ARHGAP29: variants seen among roughly 807,000 people sequenced by gnomAD.
The protein encoded by ARHGAP29 is rho GTPase-activating protein 29.
A neutral mutation model predicts 122.6 loss-of-function variants in ARHGAP29; 43 were observed. The observed-to-expected ratio is 0.35, with a 90% confidence interval of 0.27 to 0.45. The LOEUF (loss-of-function observed/expected upper bound fraction) is 0.45. Ranked by LOEUF, ARHGAP29 falls within the 20% of genes least tolerant of loss-of-function variation. ARHGAP29 has a pLI of 1.00. For missense variants in ARHGAP29, 1,303 were observed against 1,477.2 expected (o/e 0.88, Z 1.93); for synonymous variants, 506 against 497.1 (o/e 1.02, Z -0.24).
At chr1:94,215,583 T>C (rs1651911790) in intron 3 of ARHGAP29, among the ~76,000 whole-genome samples, 1 of 152,264 alleles carries the variant, frequency 6.6e-6, no homozygotes, top group East Asian at 1.9e-4. Context: ...ATGAATTACC[T>C]GATAAATTTA....
At chr1:94,191,816 G>A (rs1198797956) in intron 12 of ARHGAP29, 1 of 152,130 alleles carries the variant, frequency 6.6e-6, no homozygotes, top group African/African-American at 2.4e-5. Flanking sequence ...AATATGACTG[G>A]TCCAAGGACC....
rs370625624 is a variant in ARHGAP29 at position 94,177,680 on chromosome 1, C to T, written c.2837G>A (p.Arg946Gln). Reference sequence around the variant, plus strand: ...TTCTGATTCCTCAAATGATGTAGCTCGTTCAAAAATTTTGCTTTCACTCTC... The same window carrying T: ...TTCTGATTCCTCAAATGATGTAGCTTGTTCAAAAATTTTGCTTTCACTCTC... ...TSESESKIFE[R>Q]ATSFEESERK... The change falls in exon 22 of 23, where the codon CGA becomes CAA. Residue 946 changes from arginine to glutamine, a missense_variant. This residue lies in a region of ARHGAP29 where 620 missense variants were observed against 651.2 expected (regional missense o/e 0.95). Transcript: ENST00000260526. The T allele has an allele frequency of 2.6e-5, 42 of 1,612,876 alleles. No individual in the cohort carries two copies. In the South Asian group the frequency reaches 3.1e-4, roughly 12 times the overall value.
At chr1:94,179,592 CAAAAAAAAAAAAAA>C (rs67114194) in intron 20 of ARHGAP29, 119 bp downstream of exon 20, 22 of 220,918 alleles carry the variant, frequency 1.0e-4, no homozygotes, top group Middle Eastern at 1.6e-3. Context: ...GACTCTGTCT[CAAAAAAAAAAAAAA>C]AAAAAAAAAA....
chr1:94,265,456 G>A (rs1238432241), intron 1 of ARHGAP29, among the ~76,000 whole-genome samples: 1 of 152,246 alleles, frequency 6.6e-6, no homozygotes, highest in Non-Finnish European at 1.5e-5. Flanking sequence ...TAATATGTGA[G>A]TATGGGCAGT....
the ARHGAP29 span, among the ~76,000 whole-genome samples, chr1:94,308,456 C>T: frequency 6.6e-6 from 1 of 152,154 alleles, no homozygotes; most frequent in Non-Finnish European, 1.5e-5. Context: ...AGATTCCATT[C>T]CTTAATTCTA....
chr1:94,203,807 C>A, intron 8 of ARHGAP29, 123 bp downstream of exon 8: 1 of 745,966 alleles, frequency 1.3e-6, no homozygotes, highest in South Asian at 1.9e-5. Context: ...ATAATTTTGT[C>A]AATAAAAAGA....
In ARHGAP29 at chr1:94,174,612, T is replaced by A. The variant is rs748416865; in HGVS notation, c.3043A>T (p.Ile1015Phe). ...NVERHTPRTK[I>F]RPVSLPVDRL... ...TCTACAGGCAAACTTACAGGTCTAA[T>A]CTTGGTCCTTGGAGTATGCCTCTCC... The change falls in exon 23 of 23, where the codon ATT becomes TTT. Residue 1015 changes from isoleucine (I) to phenylalanine (F), a missense_variant. Physicochemically the swap from Ile to Phe is conservative, Grantham distance 21. Transcript: ENST00000260526. 2 of 1,614,048 alleles carry A rather than the reference T, an allele frequency of 1.2e-6. No individual in the cohort carries two copies. The highest frequency in any genetic ancestry group is 1.7e-5 in the Admixed American group (1 of 60,012).
Position 94,190,097 on chromosome 1 carries a change from G to A in ARHGAP29, c.1282-14C>T. 6.2e-7 allele frequency: 1 copy of A among 1,611,020 alleles called. No individual in the cohort carries two copies. The highest frequency in any genetic ancestry group is 8.5e-7 in the Non-Finnish European group (1 of 1,178,468). ...GTTAACTGTTACCTATGGACCCAGA[G>A]ACAAAAGGCAGAGTAACTCATGATA... On this transcript the variant is annotated splice_polypyrimidine_tract_variant and intron_variant, in intron 12 of 22. Transcript: ENST00000260526.
chr1:94,202,835 T>A, intron 10 of ARHGAP29, 83 bp downstream of exon 10: 1 of 1,538,546 alleles, frequency 6.5e-7, no homozygotes, highest in Non-Finnish European at 8.8e-7. Flanking sequence ...TTTAGAAAAA[T>A]GAGAGCAAGG....
chr1:94,174,395 T>C lies in ARHGAP29; in HGVS notation c.3260A>G (p.Gln1087Arg), dbSNP rs370754867. The C allele has an allele frequency of 1.2e-6, 2 of 1,614,106 alleles. No homozygotes were observed. Among genetic ancestry groups the C allele is most frequent in the Non-Finnish European group, 1.7e-6 (2 of 1,180,054 alleles). Residue 1087 changes from glutamine (Q) to arginine (R), a missense_variant, in exon 23 of 23, where the codon CAA becomes CGA. Gln to Arg is a conservative substitution (Grantham distance 43). Coordinates refer to ENST00000260526, the MANE Select transcript of ARHGAP29 (RefSeq NM_004815.4). ...TGTAGTCTTGGCAGTTAGGCTGTTT[T>C]GTTCATACTGTTTGTCCTGAATTTT... ...LQKIQDKQYE[Q>R]NSLTAKTTMI... is the part of the protein sequence containing the mutation.
the ARHGAP29 span, among the ~76,000 whole-genome samples, chr1:94,313,304 T>C: frequency 6.6e-6 from 1 of 152,196 alleles, no homozygotes; most frequent in Non-Finnish European, 1.5e-5. Context: ...AATGGCATCA[T>C]CTCAGAGAAA....
At chr1:94,174,772 TA>T in intron 22 of ARHGAP29, 23 bp from the exon 23 acceptor site, 1 of 1,604,476 alleles carries the variant, frequency 6.2e-7, no homozygotes, top group Admixed American at 1.7e-5. Context: ...GAAATCTATT[TA>T]AGTTTGTGGC....
intron 2 of ARHGAP29, among the ~76,000 whole-genome samples, chr1:94,223,623 A>G (rs1652450992): frequency 6.6e-6 from 1 of 152,146 alleles, no homozygotes; most frequent in South Asian, 2.1e-4. Context: ...ATATATTTAC[A>G]TATATATGTA....
intron 17 of ARHGAP29, 135 bp downstream of exon 17, chr1:94,185,207 A>T: frequency 1.7e-6 from 2 of 1,207,700 alleles, no homozygotes; most frequent in Non-Finnish European, 2.2e-6. Context: ...AATAAAATAT[A>T]AAATTATAGA....
the ARHGAP29 span, among the ~76,000 whole-genome samples, chr1:94,294,496 CA>C: frequency 6.6e-6 from 1 of 152,132 alleles, no homozygotes; most frequent in Non-Finnish European, 1.5e-5. Flanking sequence ...CTGTGTTGAG[CA>C]GGCTTATCTC....
chr1:94,188,684 T>TA (rs1441199239), intron 15 of ARHGAP29, among the ~76,000 whole-genome samples, 153 bp downstream of exon 15: 1 of 152,138 alleles, frequency 6.6e-6, no homozygotes, highest in Admixed American at 6.6e-5. Context: ...GTGGCGAATA[T>TA]ATGAGGGGTT....
At chr1:94,231,225 T>C (rs1316938186) in intron 2 of ARHGAP29, among the ~76,000 whole-genome samples, 182 bp downstream of exon 2, 2 of 152,084 alleles carry the variant, frequency 1.3e-5, no homozygotes, top group Non-Finnish European at 2.9e-5. Flanking sequence ...TATTAGGTAT[T>C]ACACTATTAT....
chr1:94,221,552 T>C (rs944677419), intron 2 of ARHGAP29, among the ~76,000 whole-genome samples: 1 of 68,724 alleles, frequency 1.5e-5, no homozygotes, highest in East Asian at 4.2e-4. Flanking sequence ...TATATTTTTA[T>C]ACATATGTAT....
At chr1:94,198,486 AC>A (rs781386819) in intron 12 of ARHGAP29, among the ~76,000 whole-genome samples, 10 of 152,086 alleles carry the variant, frequency 6.6e-5, no homozygotes, top group Non-Finnish European at 1.3e-4. Flanking sequence ...ACAAAAACAA[AC>A]AAAAAACCCC....
Sources: gnomAD v4.1 joint callset for allele counts (sites outside exome capture counted in the v4.1 genomes callset) on GRCh38, gnomAD v4.1.1 for gene constraint, gnomAD v4.1.1 regional missense constraint, MANE v1.5 for transcripts, NCBI Gene and HGNC (gene_info 2026-07-23, HGNC 2026-07-21) for gene names.